Variants in ADGB observed in about 807,000 individuals in gnomAD.
The protein encoded by ADGB is calpain-7-like protein.
A neutral mutation model predicts 210.5 loss-of-function variants in ADGB; 172 were observed. The observed-to-expected ratio is 0.82, with a 90% CI of 0.72 to 0.93. The LOEUF is 0.93. Ranked by LOEUF, ADGB falls within the 40% of genes least tolerant of loss-of-function variation. The probability of loss-of-function intolerance (pLI) is 0.00; values close to 1 mark genes in which losing one functional copy is unlikely to be tolerated. For missense variants in ADGB, 2,025 were observed against 1,964.8 expected (o/e 1.03, Z -0.58); for synonymous variants, 658 against 662.7 (o/e 0.99, Z 0.11).
intron 5 of ADGB, among the ~76,000 whole-genome samples, chr6:146,658,369 A>G (rs557894989): frequency 8.5e-5 from 13 of 152,178 alleles, no homozygotes; most frequent in African/African-American, 2.9e-4. Flanking sequence ...GAGCAAGCAG[A>G]AGGGTGATAT....
intron 8 of ADGB, among the ~76,000 whole-genome samples, chr6:146,676,087 G>A (rs557999225): frequency 6.6e-6 from 1 of 152,026 alleles, no homozygotes; most frequent in South Asian, 2.1e-4. Flanking sequence ...TAGATAAAAA[G>A]CAATGCTGTA....
chr6:146,812,226 C>G, intron 35 of ADGB, among the ~76,000 whole-genome samples: 1 of 150,654 alleles, frequency 6.6e-6, no homozygotes, highest in Non-Finnish European at 1.5e-5. Context: ...CTATTAGAAG[C>G]AGGTTCATAT....
At chr6:146,769,465 T>C (rs1229382513) in intron 29 of ADGB, among the ~76,000 whole-genome samples, 1 of 152,260 alleles carries the variant, frequency 6.6e-6, no homozygotes, top group Non-Finnish European at 1.5e-5. Context: ...TATTTGCCCA[T>C]ATTTTTTGAG....
At chr6:146,638,572 G>A (rs62436221) in intron 2 of ADGB, among the ~76,000 whole-genome samples, 38,644 of 124,332 alleles carry the variant, frequency 0.31, 6,685 homozygotes, top group Admixed American at 0.45. Context: ...CATGGACACA[G>A]GAAAGGGAAC....
chr6:146,667,397 C>A (rs1188534982), intron 7 of ADGB, among the ~76,000 whole-genome samples: 1 of 152,062 alleles, frequency 6.6e-6, no homozygotes, highest in African/African-American at 2.4e-5. Flanking sequence ...CAGTGGTTAA[C>A]ACCTGTTCTC....
intron 35 of ADGB, among the ~76,000 whole-genome samples, chr6:146,806,873 G>C (rs1241591224): frequency 6.6e-6 from 1 of 152,158 alleles, no homozygotes; most frequent in East Asian, 1.9e-4. Flanking sequence ...GCAAGAATAA[G>C]AACAGTAAAT....
intron 1 of ADGB, among the ~76,000 whole-genome samples, chr6:146,617,752 G>A (rs1780825851): frequency 6.6e-6 from 1 of 151,774 alleles, no homozygotes; most frequent in African/African-American, 2.4e-5. Flanking sequence ...TTATTGATTT[G>A]CATATGTTGA....
intron 20 of ADGB, among the ~76,000 whole-genome samples, chr6:146,732,505 T>G (rs1459150389): frequency 6.6e-6 from 1 of 152,024 alleles, no homozygotes; most frequent in East Asian, 1.9e-4. Flanking sequence ...ACGGGCTCAA[T>G]GTAGCTGGCC....
intron 11 of ADGB, among the ~76,000 whole-genome samples, 152 bp downstream of exon 11, chr6:146,691,442 A>ATATATATATATAT (rs1491360806): frequency 7.3e-5 from 4 of 54,966 alleles, no homozygotes; most frequent in African/African-American, 7.2e-4. Context: ...ATATATATAT[A>ATATATATATATAT]AAAATATATA....
rs370905825 is a variant in ADGB at position 146,618,089 on chromosome 6, G to A, written c.75-17286G>A. On this transcript the variant is annotated intron_variant, in intron 1 of 35. Coordinates refer to ENST00000397944, the MANE Select transcript of ADGB (RefSeq NM_024694.4). ...AAAATGTTATTTAGAAAATCATAAAGAAGAGAAAAATATATTTACTGTTTA... is the reference window on the plus strand; with the variant it reads ...AAAATGTTATTTAGAAAATCATAAAAAAGAGAAAAATATATTTACTGTTTA... 1.9e-4 allele frequency among the ~76,000 whole-genome samples: 29 copies of A among 152,000 alleles called. No individual in the cohort carries two copies. In the East Asian group the frequency reaches 1.9e-3, roughly 10 times the overall value.
intron 33 of ADGB, among the ~76,000 whole-genome samples, chr6:146,796,719 T>A (rs1305484163): frequency 6.6e-6 from 1 of 152,114 alleles, no homozygotes; most frequent in East Asian, 1.9e-4. Context: ...CAACTCAAGA[T>A]GGATCAAAGA....
Position 146,736,597 on chromosome 6 carries a change from G to T in ADGB, c.2888+6G>T. ...TATGCAGTTTCTCTCTTAAGGTAAA[G>T]CAGTCAAATGATATTTTTATTGCAG... On this transcript the variant is annotated splice_donor_region_variant and intron_variant, in intron 23 of 35. Transcript: ENST00000397944. 1 of 1,520,752 alleles carries T rather than the reference G, an allele frequency of 6.6e-7. No individual in the cohort carries two copies. Among genetic ancestry groups the T allele is most frequent in the Non-Finnish European group, 8.9e-7 (1 of 1,128,542 alleles). The allele number at this position is 1,520,752 out of a possible 1,614,324, so 94.2% of individuals were successfully genotyped here. A position where few individuals can be genotyped will look rare whatever the true frequency, so the allele number is the denominator to read the frequency against.
chr6:146,641,696 A>G (rs927013837), intron 2 of ADGB, among the ~76,000 whole-genome samples: 4 of 152,114 alleles, frequency 2.6e-5, no homozygotes, highest in Admixed American at 2.6e-4. Context: ...ATAGCTGACT[A>G]GCCATATGCA....
At chr6:146,619,438 C>A (rs895536430) in intron 1 of ADGB, among the ~76,000 whole-genome samples, 1 of 151,856 alleles carries the variant, frequency 6.6e-6, no homozygotes, top group Non-Finnish European at 1.5e-5. Context: ...TAAAATAGAT[C>A]CTTTCTTCCT....
intron 35 of ADGB, among the ~76,000 whole-genome samples, chr6:146,811,993 T>C (rs1778310404): frequency 2.0e-5 from 3 of 152,208 alleles, no homozygotes; most frequent in Non-Finnish European, 4.4e-5. Context: ...TTTTAAACTA[T>C]TACTCTTTAA....
intron 2 of ADGB, among the ~76,000 whole-genome samples, chr6:146,642,964 C>T (rs957881816): frequency 1.3e-5 from 2 of 151,646 alleles, no homozygotes; most frequent in East Asian, 1.9e-4. Context: ...CAGAATCAAG[C>T]GACTGAAAAC....
chr6:146,673,533 A>G (rs990133490), intron 8 of ADGB, among the ~76,000 whole-genome samples: 1 of 152,204 alleles, frequency 6.6e-6, no homozygotes, highest in Non-Finnish European at 1.5e-5. Flanking sequence ...GGTGTTTACT[A>G]TATGCTAATT....
intron 26 of ADGB, among the ~76,000 whole-genome samples, chr6:146,750,215 T>C (rs1307317004): frequency 6.6e-6 from 1 of 152,118 alleles, no homozygotes; most frequent in African/African-American, 2.4e-5. Flanking sequence ...AGAACTGTAC[T>C]TATGCACAAA....
intron 27 of ADGB, among the ~76,000 whole-genome samples, chr6:146,756,389 G>A (rs1451884588): frequency 6.6e-6 from 1 of 152,086 alleles, no homozygotes; most frequent in Non-Finnish European, 1.5e-5. Flanking sequence ...CGTCGGGTAA[G>A]AATCCCATTT....
Sources: gnomAD v4.1 joint callset for allele counts (sites outside exome capture counted in the v4.1 genomes callset) on GRCh38, gnomAD v4.1.1 for gene constraint, MANE v1.5 for transcripts, NCBI Gene and HGNC (gene_info 2026-07-23, HGNC 2026-07-21) for gene names.